Variants in EPHA3 observed in about 807,000 individuals in gnomAD.
The protein encoded by EPHA3 is EPH receptor A3, also known as ephrin type-A receptor 3.
A neutral mutation model predicts 107.1 loss-of-function variants in EPHA3; 42 were observed. The ratio of observed to expected loss-of-function variants is 0.39; its 90% CI spans 0.31 to 0.51. The LOEUF (loss-of-function observed/expected upper bound fraction) is 0.51. EPHA3 is among the 20% of genes least tolerant of loss of function. EPHA3 has a pLI of 0.78. For synonymous variants in EPHA3, 461 were observed against 424.8 expected (o/e 1.09, Z -1.05); for missense variants, 1,183 against 1,211.2 (o/e 0.98, Z 0.35).
intron 2 of EPHA3, among the ~76,000 whole-genome samples, chr3:89,133,482 G>A (rs1354734353): frequency 6.6e-6 from 1 of 152,166 alleles, no homozygotes; most frequent in Non-Finnish European, 1.5e-5. Context: ...TGTGCTTCGG[G>A]ATTCGACGAA....
intron 3 of EPHA3, among the ~76,000 whole-genome samples, chr3:89,312,074 A>G (rs899129817): frequency 9.9e-5 from 15 of 152,124 alleles, no homozygotes; most frequent in African/African-American, 3.1e-4. Flanking sequence ...AGTTTATCAA[A>G]TCTTTGCACC....
rs267599944 is a variant in EPHA3 at position 89,472,473 on chromosome 3, C to T, written c.2700C>T (p.Asn900=). 1 of 1,613,482 alleles carries T rather than the reference C, an allele frequency of 6.2e-7. No individual in the cohort carries two copies. The highest frequency in any genetic ancestry group is 1.3e-5 in the African/African-American group (1 of 74,966). Residue 900 remains asparagine (N), a synonymous_variant, in exon 16 of 17, where the codon AAC becomes AAT. Transcript: ENST00000336596. ...IITSAAARPS[N]LLLDQSNVDI... ...GTTTTTTTTCTTGCAGGCCATCAAA[C>T]CTTCTTCTGGACCAAAGCAATGTGG...
chr3:89,475,718 C>G (rs554133928), intron 16 of EPHA3, among the ~76,000 whole-genome samples: 135 of 152,258 alleles, frequency 8.9e-4, no homozygotes, highest in Non-Finnish European at 1.4e-3. Context: ...ATGTCATTAT[C>G]CTGCACCCTT....
In EPHA3 at chr3:89,472,385, G is replaced by A. The variant is rs910079163; in HGVS notation, c.2691-79G>A. On this transcript the variant is annotated intron_variant, in intron 15 of 16. Coordinates refer to ENST00000336596, the MANE Select transcript of EPHA3 (RefSeq NM_005233.6). ...CATATGAAGTCTGGAAGTTCCTGCCGATGTTAGTGTCAAATTTTGACACAC... is the reference window on the plus strand; with the variant it reads ...CATATGAAGTCTGGAAGTTCCTGCCAATGTTAGTGTCAAATTTTGACACAC... 106 of 1,432,748 alleles carry A rather than the reference G, an allele frequency of 7.4e-5. 1 individual carries two copies. Among genetic ancestry groups the A allele is most frequent in the South Asian group, 1.9e-4 (15 of 77,676 alleles). 88.8% of individuals were successfully genotyped at this position (1,432,748 alleles called of 1,614,324 possible).
At chr3:89,400,150 T>C (rs1708928849) in intron 7 of EPHA3, 1 of 750,576 alleles carries the variant, frequency 1.3e-6, no homozygotes. Context: ...ATAAAATGAG[T>C]AGAAGTTAAT....
At chr3:89,371,241 T>C (rs1176618250) in intron 5 of EPHA3, among the ~76,000 whole-genome samples, 1 of 151,738 alleles carries the variant, frequency 6.6e-6, no homozygotes, top group East Asian at 1.9e-4. Flanking sequence ...TTATAATTTG[T>C]ACCAATGACT....
At chr3:89,253,884 A>T (rs544182079) in intron 3 of EPHA3, among the ~76,000 whole-genome samples, 1 of 152,154 alleles carries the variant, frequency 6.6e-6, no homozygotes, top group African/African-American at 2.4e-5. Context: ...CATTTTGATC[A>T]TTATAGGAGT....
rs1446103534 is a variant in EPHA3, at chr3:89,444,012, T to C, written c.2347-5213T>C. ...TTAAGATCAGTGAGCATCTGTTGAA[T>C]GCCTGCACTGCACATTTGCCAAGAT... On this transcript the variant is annotated intron_variant, in intron 13 of 16. Coordinates refer to ENST00000336596, the MANE Select transcript of EPHA3 (RefSeq NM_005233.6). Among the ~76,000 whole-genome samples, 6 of 152,168 alleles carry C rather than the reference T, an allele frequency of 3.9e-5. No homozygotes were observed. In the East Asian group the frequency reaches 9.6e-4, roughly 24 times the overall value.
At chr3:89,353,976 G>T (rs1707890391) in intron 5 of EPHA3, among the ~76,000 whole-genome samples, 1 of 151,212 alleles carries the variant, frequency 6.6e-6, no homozygotes, top group South Asian at 2.1e-4. Context: ...ACTAGAAAAA[G>T]AATATTAATA....
At chr3:89,158,596 T>G (rs1414975928) in intron 2 of EPHA3, among the ~76,000 whole-genome samples, 2 of 152,166 alleles carry the variant, frequency 1.3e-5, no homozygotes, top group Admixed American at 1.3e-4. Flanking sequence ...TTTTCCCAGA[T>G]TCATAATAAA....
chr3:89,146,366 A>T (rs1472048354), intron 2 of EPHA3, among the ~76,000 whole-genome samples: 1 of 151,844 alleles, frequency 6.6e-6, no homozygotes, highest in Non-Finnish European at 1.5e-5. Context: ...GCCAAAAAAA[A>T]GTCATAAAGT....
chr3:89,467,236 G>GA (rs1276537327), intron 15 of EPHA3, among the ~76,000 whole-genome samples: 3 of 151,978 alleles, frequency 2.0e-5, no homozygotes, highest in South Asian at 2.1e-4. Context: ...AAAATGTACG[G>GA]AAAAAATATA....
intron 16 of EPHA3, 126 bp downstream of exon 16, chr3:89,472,745 C>G: frequency 9.0e-7 from 1 of 1,114,198 alleles, no homozygotes; most frequent in Non-Finnish European, 1.3e-6. Flanking sequence ...GAGGTACTGA[C>G]TACCGCCTGG....
At chr3:89,458,875 G>T (rs1710156498) in intron 15 of EPHA3, among the ~76,000 whole-genome samples, 1 of 152,186 alleles carries the variant, frequency 6.6e-6, no homozygotes, top group Non-Finnish European at 1.5e-5. Context: ...CATGTCCTTT[G>T]CAGGGACGTG....
intron 5 of EPHA3, among the ~76,000 whole-genome samples, chr3:89,371,721 TACACAC>T (rs111924124): frequency 0.016 from 2,321 of 147,586 alleles, 42 homozygotes; most frequent in African/African-American, 0.054. Flanking sequence ...GTGATACACA[TACACAC>T]ACACACACAC....
At chr3:89,443,448 A>T (rs1481509871) in intron 13 of EPHA3, among the ~76,000 whole-genome samples, 1 of 152,204 alleles carries the variant, frequency 6.6e-6, no homozygotes, top group African/African-American at 2.4e-5. Flanking sequence ...AAAAGAGGAC[A>T]TTAGAAAGCA....
At position 89,209,850 on chromosome 3, in the gene EPHA3, G is replaced by T. The variant is rs148063788; in HGVS notation, c.154-10G>T. On this transcript the variant is annotated splice_polypyrimidine_tract_variant and intron_variant, in intron 2 of 16. Transcript: ENST00000336596. ...TCTGCCTCACTCTCTGTTTCTCTTT[G>T]ATTCTTCAGTGGGAAGAGATCAGTG... is the stretch of plus-strand genomic sequence containing the variant. 1 of 1,570,766 alleles carries T rather than the reference G, an allele frequency of 6.4e-7. No homozygotes were observed. Among genetic ancestry groups the T allele is most frequent in the African/African-American group, 1.4e-5 (1 of 73,656 alleles).
At chr3:89,377,659 C>T (rs1482903307) in intron 5 of EPHA3, among the ~76,000 whole-genome samples, 3 of 151,900 alleles carry the variant, frequency 2.0e-5, no homozygotes, top group Non-Finnish European at 4.4e-5. Context: ...ATTTTTTTTC[C>T]TAGCTAGGTG....
intron 7 of EPHA3, 72 bp from the exon 8 acceptor site, chr3:89,407,197 A>T: frequency 9.6e-7 from 1 of 1,036,436 alleles, no homozygotes; most frequent in Non-Finnish European, 1.5e-6. Flanking sequence ...TTAATGAATC[A>T]ATCAACTGTT....
Sources: allele counts gnomAD v4.1 joint callset (sites outside exome capture counted in the v4.1 genomes callset), GRCh38; gene constraint gnomAD v4.1.1; transcripts MANE v1.5; gene names NCBI Gene and HGNC (gene_info 2026-07-23, HGNC 2026-07-21).